The following RAPGEF4 variants were observed in gnomAD, a reference collection of about 807,000 sequenced individuals.
RAPGEF4 encodes RAP guanine-nucleotide-exchange factor (GEF) 4.
A neutral mutation model predicts 147.9 loss-of-function variants in RAPGEF4; 66 were observed. The observed-to-expected ratio is 0.45, with a 90% CI of 0.37 to 0.55. RAPGEF4 has a LOEUF of 0.55. Among genes scored for constraint, RAPGEF4 ranks in the 20% least tolerant of loss-of-function variants. The pLI, the probability that RAPGEF4 is intolerant of heterozygous loss-of-function variation, is 0.00. For missense variants in RAPGEF4, 1,071 were observed against 1,257.3 expected (o/e 0.85, Z 2.24); for synonymous variants, 419 against 442.7 (o/e 0.95, Z 0.67).
In RAPGEF4 at chr2:173,018,568, G is replaced by A. The variant is rs1695721220; in HGVS notation, c.2009-88G>A. On this transcript the variant is annotated intron_variant, in intron 21 of 30. Transcript: ENST00000397081. ...CAAAAATGGCAAAATGATGCAAATT[G>A]GAGAGGATGCCTAAACATTTTTCAT... 3.0e-5 allele frequency: 42 copies of A among 1,408,476 alleles called. 1 individual carries two copies. The South Asian group carries it at 5.7e-4, about 19-fold the overall frequency. The allele number at this position is 1,408,476 out of a possible 1,614,324, so 87.2% of individuals were successfully genotyped here.
intron 4 of RAPGEF4, among the ~76,000 whole-genome samples, chr2:172,908,486 T>C (rs941957389): frequency 1.2e-4 from 18 of 152,234 alleles, no homozygotes; most frequent in Middle Eastern, 3.2e-3. Flanking sequence ...ACCACAACCA[T>C]AGAAGTCATC....
At chr2:173,004,150 A>G (rs1281934399) in intron 17 of RAPGEF4, among the ~76,000 whole-genome samples, 1 of 152,168 alleles carries the variant, frequency 6.6e-6, no homozygotes, top group African/African-American at 2.4e-5. Context: ...CTTAATCCAC[A>G]TTGTGTGTCT....
chr2:172,994,969 C>T (rs1693188155), intron 15 of RAPGEF4, among the ~76,000 whole-genome samples: 1 of 152,120 alleles, frequency 6.6e-6, no homozygotes, highest in South Asian at 2.1e-4. Flanking sequence ...ATAGTTTTAG[C>T]TAACAGCTGC....
In RAPGEF4 at chr2:173,027,328, T is replaced by C. The variant is rs1696760995; in HGVS notation, c.2558+69T>C. 2.3e-6 allele frequency: 3 copies of C among 1,323,694 alleles called. No homozygotes were observed. In the East Asian group the frequency reaches 7.2e-5, roughly 32 times the overall value. 82.0% of individuals were successfully genotyped at this position (1,323,694 alleles called of 1,614,324 possible). A position where few individuals can be genotyped will look rare whatever the true frequency, so the allele number is the denominator to read the frequency against. ...GTGTTTTCATTTTGTTTTCTTAGAC[T>C]ACACCTTAAAAAGAAAAGCAGGATC... On this transcript the variant is annotated intron_variant, in intron 25 of 30. Coordinates refer to ENST00000397081, the MANE Select transcript of RAPGEF4 (RefSeq NM_007023.4).
intron 6 of RAPGEF4, chr2:172,928,113 G>A (rs565316797): frequency 4.6e-6 from 2 of 436,996 alleles, no homozygotes; most frequent in South Asian, 3.3e-5. Context: ...CGTAACCCCC[G>A]AGCCAGGACT....
chr2:172,930,564 T>C (rs1042366274), intron 6 of RAPGEF4, among the ~76,000 whole-genome samples: 1 of 152,336 alleles, frequency 6.6e-6, no homozygotes, highest in East Asian at 1.9e-4. Flanking sequence ...AAGCTTTCTA[T>C]TGAATTTTGC....
intron 8 of RAPGEF4, among the ~76,000 whole-genome samples, chr2:172,961,654 C>T (rs1190006019): frequency 1.3e-5 from 2 of 152,138 alleles, no homozygotes; most frequent in East Asian, 3.8e-4. Flanking sequence ...TTTCAGATAA[C>T]AAAACTGAGG....
In RAPGEF4 at chr2:172,911,917, C is replaced by T. The variant is rs1023875358; in HGVS notation, c.445-5885C>T. 5.2e-4 allele frequency among the ~76,000 whole-genome samples: 79 copies of T among 152,086 alleles called. 1 individual carries two copies. Among genetic ancestry groups the T allele is most frequent in the Non-Finnish European group, 2.5e-4 (17 of 67,998 alleles). ...CAGTAGCCCGGATTACAGGTACACG[C>T]CACCAGGCCTGGCTAATATTTTAAT... On this transcript the variant is annotated intron_variant, in intron 4 of 30. Transcript: ENST00000397081.
intron 1 of RAPGEF4, among the ~76,000 whole-genome samples, chr2:172,785,909 T>C (rs1220054084): frequency 6.6e-6 from 1 of 151,956 alleles, no homozygotes; most frequent in Non-Finnish European, 1.5e-5. Flanking sequence ...CACTAAGGGG[T>C]CTACTCAGCT....
chr2:172,831,318 G>A (rs991687632), intron 4 of RAPGEF4, among the ~76,000 whole-genome samples: 2 of 77,862 alleles, frequency 2.6e-5, no homozygotes, highest in Non-Finnish European at 4.9e-5. Flanking sequence ...GCCCAATCTG[G>A]AGTGCAGTGG....
At chr2:172,748,041 A>G (rs1402625673) in intron 1 of RAPGEF4, among the ~76,000 whole-genome samples, 2 of 152,168 alleles carry the variant, frequency 1.3e-5, no homozygotes, top group African/African-American at 4.8e-5. Context: ...TTCATTGTGT[A>G]TATATACACC....
At chr2:172,798,382 G>T (rs1686610234) in intron 3 of RAPGEF4, among the ~76,000 whole-genome samples, 1 of 152,054 alleles carries the variant, frequency 6.6e-6, no homozygotes, top group South Asian at 2.1e-4. Flanking sequence ...TAAGACAAGT[G>T]GCCAAAATGT....
chr2:172,914,574 G>A (rs1189692740), intron 4 of RAPGEF4, among the ~76,000 whole-genome samples: 1 of 151,466 alleles, frequency 6.6e-6, no homozygotes, highest in Non-Finnish European at 1.5e-5. Context: ...AGGGAGGAAG[G>A]GAAGGAGGGA....
intron 4 of RAPGEF4, among the ~76,000 whole-genome samples, chr2:172,837,290 C>T (rs996484044): frequency 6.6e-6 from 1 of 152,060 alleles, no homozygotes; most frequent in African/African-American, 2.4e-5. Flanking sequence ...CAACATTGGC[C>T]GGTGGGGGTG....
chr2:172,818,658 C>T (rs983522223), intron 4 of RAPGEF4, among the ~76,000 whole-genome samples: 6 of 152,282 alleles, frequency 3.9e-5, no homozygotes, highest in African/African-American at 1.2e-4. Flanking sequence ...TAGAACACTC[C>T]CATCAGGATT....
chr2:173,014,652 T>C, intron 18 of RAPGEF4, 38 bp downstream of exon 18: 1 of 1,595,428 alleles, frequency 6.3e-7, no homozygotes, highest in Non-Finnish European at 8.6e-7. Context: ...TATACTGTTG[T>C]CCTGCAATAC....
chr2:172,760,842 C>G lies in RAPGEF4; in HGVS notation c.65+24794C>G, dbSNP rs560057906. Among the ~76,000 whole-genome samples, 3 of 151,880 alleles carry G rather than the reference C, an allele frequency of 2.0e-5. No individual in the cohort carries two copies. The South Asian group carries it at 6.3e-4, about 32-fold the overall frequency. On this transcript the variant is annotated intron_variant, in intron 1 of 30. Coordinates refer to ENST00000397081, the MANE Select transcript of RAPGEF4 (RefSeq NM_007023.4). Reference sequence around the variant, plus strand: ...ATTTGAACAACAGAGAGAAGATGGACTGAATAAAAAATAACAGTGGTAAGA... The same window carrying G: ...ATTTGAACAACAGAGAGAAGATGGAGTGAATAAAAAATAACAGTGGTAAGA...
chr2:172,739,016 G>A (rs1436072281), intron 1 of RAPGEF4, among the ~76,000 whole-genome samples: 2 of 152,196 alleles, frequency 1.3e-5, no homozygotes, highest in African/African-American at 4.8e-5. Context: ...TGCAAGTGTT[G>A]TAGATATGTA....
At chr2:173,025,224 C>T (rs1696546768) in intron 23 of RAPGEF4, among the ~76,000 whole-genome samples, 1 of 152,226 alleles carries the variant, frequency 6.6e-6, no homozygotes, top group Non-Finnish European at 1.5e-5. Context: ...TGATTCCCTT[C>T]AACTGTAACC....
Sources: allele counts gnomAD v4.1 joint callset (sites outside exome capture counted in the v4.1 genomes callset), GRCh38; gene constraint gnomAD v4.1.1; transcripts MANE v1.5; gene names NCBI Gene and HGNC (gene_info 2026-07-23, HGNC 2026-07-21).